RASAL3: variants seen among roughly 807,000 people sequenced by gnomAD.
RASAL3 encodes the protein RAS protein activator like 3, also known as RAS protein activator like-3.
Under a neutral mutation model 105.5 loss-of-function variants are expected in RASAL3, and 74 were observed. That is an observed-to-expected ratio of 0.70 (90% CI 0.58 to 0.85). The LOEUF is 0.85. Ranked by LOEUF, RASAL3 falls within the 40% of genes least tolerant of loss-of-function variation. The pLI is 0.00. For synonymous variants in RASAL3, 579 were observed against 591.6 expected, an observed-to-expected ratio of 0.98 and a Z score of 0.31; for missense variants, 1,352 against 1,392.0, an observed-to-expected ratio of 0.97 and a Z score of 0.46.
chr19:15,454,175 TG>T lies in RASAL3; in HGVS notation c.2252del (p.Pro751HisfsTer92). 1 of 1,566,084 alleles carries T rather than the reference TG, an allele frequency of 6.4e-7. No homozygotes were observed. Among genetic ancestry groups the T allele is most frequent in the Non-Finnish European group, 8.7e-7 (1 of 1,155,090 alleles). On this transcript the variant is annotated frameshift_variant, in exon 14 of 18. Transcript: ENST00000343625. LOFTEE classifies it high-confidence loss of function. ...TGGAGTGGACCTGGGCCGGGGGCAG[TG>T]GGAGACGCATTGGCACTGACACAAG... Reference protein sequence around the residue: ...PVLVSVPMRLPLPPAQVHSSL... With the variant: ...PVLVSVPMRLXLPPAQVHSSL...
Position 15,464,523 on chromosome 19 carries a change from C to T in RASAL3, c.-38G>A. On this transcript the variant is annotated 5_prime_UTR_variant, in exon 1 of 18. Transcript: ENST00000343625. Reference sequence around the variant, plus strand: ...CCCTTACCTTGGTTTCCTGACCAGCCCCAGAATCAGCAGCCGTCTGCACCC... The same window carrying T: ...CCCTTACCTTGGTTTCCTGACCAGCTCCAGAATCAGCAGCCGTCTGCACCC... The T allele has an allele frequency of 2.8e-6, 2 of 716,238 alleles. No individual in the cohort carries two copies. The highest frequency in any genetic ancestry group is 3.7e-5 in the South Asian group (2 of 53,482). 44.4% of individuals were successfully genotyped at this position (716,238 alleles called of 1,614,324 possible). A position where few individuals can be genotyped will look rare whatever the true frequency, so the allele number is the denominator to read the frequency against.
chr19:15,461,416 G>A lies in RASAL3; in HGVS notation c.465+55C>T, dbSNP rs962606335. ...TCCCTCCAGCCCCTGCCTCTGTTCT[G>A]CCCTCCTCCTTTTTCTTTCTTCCCT... On this transcript the variant is annotated intron_variant, in intron 3 of 17. Transcript: ENST00000343625. 4.6e-6 allele frequency: 7 copies of A among 1,530,348 alleles called. No individual in the cohort carries two copies. In the Admixed American group the frequency reaches 1.4e-4, roughly 31 times the overall value. 94.8% of individuals were successfully genotyped at this position (1,530,348 alleles called of 1,614,324 possible).
At position 15,458,682 on chromosome 19, in the gene RASAL3, G is replaced by A. The variant is rs779030757; in HGVS notation, c.663-27C>T. ...TGGGAAGGGGGTGGGTGAGCACACC[G>A]TCATTCCTGCCTCTTCCCCATCCCC... On this transcript the variant is annotated intron_variant, in intron 6 of 17. Coordinates refer to ENST00000343625, the MANE Select transcript of RASAL3 (RefSeq NM_022904.3). 10 of 1,605,362 alleles carry A rather than the reference G, an allele frequency of 6.2e-6. No homozygotes were observed. In the African/African-American group the frequency reaches 6.7e-5, roughly 11 times the overall value.
At position 15,454,783 on chromosome 19, in the gene RASAL3, C is replaced by T. The variant is rs375317705; in HGVS notation, c.1832G>A (p.Arg611Gln). Residue 611 changes from arginine to glutamine, a missense_variant, in exon 12 of 18, where the codon CGG becomes CAG. Coordinates refer to ENST00000343625, the MANE Select transcript of RASAL3 (RefSeq NM_022904.3). ...PRLVCASLFLRLLCPAILAPS... is the reference protein window; with the variant it reads ...PRLVCASLFLQLLCPAILAPS... ...TGCCAGGATGGCAGGGCACAGGAGCCGCAGGAAGAGGGAGGCGCACACCAG... is the reference window on the plus strand; with the variant it reads ...TGCCAGGATGGCAGGGCACAGGAGCTGCAGGAAGAGGGAGGCGCACACCAG... The T allele has an allele frequency of 2.2e-4, 360 of 1,601,684 alleles. 2 individuals are homozygous for T. The highest frequency in any genetic ancestry group is 1.6e-3 in the South Asian group (142 of 89,218).
Position 15,456,908 on chromosome 19 carries a change from A to G in RASAL3, c.1432-262T>C. ...CAGGCCCCTGTCGCAGCTGAAGCTT[A>G]GGCTCCGCTCTTCAAGGTGTCCCGC... On this transcript the variant is annotated intron_variant, in intron 9 of 17. Coordinates refer to ENST00000343625, the MANE Select transcript of RASAL3 (RefSeq NM_022904.3). This position sits in a 1 kb window ranked among gnomAD's most constrained non-coding sequence, Gnocchi z 4.4. 1.8e-6 allele frequency: 1 copy of G among 551,384 alleles called. No homozygotes were observed. Among genetic ancestry groups the G allele is most frequent in the Non-Finnish European group, 3.2e-6 (1 of 308,298 alleles). 34.2% of individuals were successfully genotyped at this position (551,384 alleles called of 1,614,324 possible).
chr19:15,451,989 C>G (rs750099890), intron 17 of RASAL3, 51 bp from the exon 18 acceptor site: 11 of 1,613,796 alleles, frequency 6.8e-6, no homozygotes, highest in Non-Finnish European at 9.3e-6. Flanking sequence ...GGCTGCACCG[C>G]AACCCTTGCT....
rs1970595091 is a variant in RASAL3, at chr19:15,464,067, G to A, written c.292C>T (p.Pro98Ser). ...ALWGRHKNPP[P>S]EPDPEPEQEA... is the part of the protein sequence containing the mutation. ...TGCTCCGGCTCCGGGTCTGGCTCCG[G>A]CGGTGGGTTCTTATGCCTCCCCCAG... is the stretch of plus-strand genomic sequence containing the variant. Residue 98 changes from proline (P) to serine (S), a missense_variant, in exon 2 of 18, where the codon CCG becomes TCG. Physicochemically the swap from Pro to Ser is moderately conservative, Grantham distance 74. Around this residue, in one of 3 missense-constraint regions of RASAL3, gnomAD observed 344 missense variants for 339.6 expected, o/e 1.01. Transcript: ENST00000343625. 6 of 1,587,712 alleles carry A rather than the reference G, an allele frequency of 3.8e-6. No individual in the cohort carries two copies. Among genetic ancestry groups the A allele is most frequent in the Non-Finnish European group, 5.2e-6 (6 of 1,163,856 alleles).
At chr19:15,455,977 A>C in intron 11 of RASAL3, 127 bp downstream of exon 11, 4 of 1,095,912 alleles carry the variant, frequency 3.6e-6, no homozygotes, top group Non-Finnish European at 3.9e-6. Context: ...TAGTATAAGC[A>C]TGGTCCCAAT....
At position 15,457,993 on chromosome 19, in the gene RASAL3, C is replaced by T; in HGVS notation, c.889-159G>A. ...AAGTGGAGCCACGGGAGTCCGGAGG[C>T]GGTTACGCGGAAGTCTTCTAGCTTT... On this transcript the variant is annotated intron_variant, in intron 8 of 17. Coordinates refer to ENST00000343625, the MANE Select transcript of RASAL3 (RefSeq NM_022904.3). This position sits in a 1 kb window ranked among gnomAD's most constrained non-coding sequence, Gnocchi z 8.6. The T allele has an allele frequency of 4.8e-6, 4 of 832,754 alleles. No individual in the cohort carries two copies. Among genetic ancestry groups the T allele is most frequent in the Non-Finnish European group, 5.5e-6 (3 of 543,732 alleles). 51.6% of individuals were successfully genotyped at this position (832,754 alleles called of 1,614,324 possible). A position where few individuals can be genotyped will look rare whatever the true frequency, so the allele number is the denominator to read the frequency against.
intron 2 of RASAL3, among the ~76,000 whole-genome samples, chr19:15,463,150 A>G (rs1970564609): frequency 6.7e-6 from 1 of 149,994 alleles, no homozygotes; most frequent in South Asian, 2.1e-4. Context: ...CAGTAGTGCA[A>G]TCTCAGCTCA....
In RASAL3 at chr19:15,457,361, C is replaced by A. The variant is rs1215712131; in HGVS notation, c.1362G>T (p.Leu454=). ...CCAGCTCCTCCTTGGCCTGCGCAGG[C>A]AGCGCGGGCTCCAGGGCCCCGCAGA... The part of the protein sequence containing the change: ...ARLCGALEPA[L]PAQAKEELAA... The change falls in exon 9 of 18, where the codon CTG becomes CTT. Residue 454 remains leucine (L), a synonymous_variant. Coordinates refer to ENST00000343625, the MANE Select transcript of RASAL3 (RefSeq NM_022904.3). The surrounding 1 kb of genome is among the most constrained non-coding windows in gnomAD (Gnocchi z 8.6). The A allele has an allele frequency of 7.0e-7, 1 of 1,418,848 alleles. No individual in the cohort carries two copies. The highest frequency in any genetic ancestry group is 9.1e-7 in the Non-Finnish European group (1 of 1,094,038). 87.9% of individuals were successfully genotyped at this position (1,418,848 alleles called of 1,614,324 possible). A position where few individuals can be genotyped will look rare whatever the true frequency, so the allele number is the denominator to read the frequency against.
At chr19:15,461,331 GAGGCAGGC>G (rs566684232) in intron 3 of RASAL3, 35 bp from the exon 4 acceptor site, 52 of 1,598,482 alleles carry the variant, frequency 3.3e-5, no homozygotes, top group South Asian at 3.2e-4. Context: ...TCAGAGAGGG[GAGGCAGGC>G]AGGCAGGCAG....
In RASAL3 at chr19:15,457,747, C is replaced by T. The variant is rs907894884; in HGVS notation, c.976G>A (p.Val326Met). ...LPRAAAGAPG[V>M]RAELWLDGAL... is the part of the protein sequence containing the mutation. ...CCATCCAGCCACAGCTCGGCGCGCA[C>T]GCCGGGTGCCCCCGCCGCTGCTCGG... is the stretch of plus-strand genomic sequence containing the variant. Residue 326 changes from valine to methionine, a missense_variant, in exon 9 of 18, where the codon GTG becomes ATG. By Grantham distance (21) the Val-to-Met change is conservative (BLOSUM62 1). Coordinates refer to ENST00000343625, the MANE Select transcript of RASAL3 (RefSeq NM_022904.3). This position sits in a 1 kb window ranked among gnomAD's most constrained non-coding sequence, Gnocchi z 8.6. 4 of 1,543,236 alleles carry T rather than the reference C, an allele frequency of 2.6e-6. No individual in the cohort carries two copies. The highest frequency in any genetic ancestry group is 3.5e-6 in the Non-Finnish European group (4 of 1,144,554).
chr19:15,463,612 A>G (rs1047933674), intron 2 of RASAL3, among the ~76,000 whole-genome samples: 9 of 152,178 alleles, frequency 5.9e-5, no homozygotes, highest in African/African-American at 2.2e-4. Context: ...CATTATTCTC[A>G]CTGAACTGAT....
chr19:15,459,845 G>A (rs1161357193), intron 6 of RASAL3, among the ~76,000 whole-genome samples: 1 of 152,144 alleles, frequency 6.6e-6, no homozygotes. Flanking sequence ...TGTTTTAGTT[G>A]CTTCTTTCGG....
At chr19:15,462,633 C>T (rs570730689) in intron 2 of RASAL3, among the ~76,000 whole-genome samples, 7 of 152,044 alleles carry the variant, frequency 4.6e-5, no homozygotes, top group Non-Finnish European at 8.8e-5. Flanking sequence ...TGATAACTCC[C>T]GCTTATTAAC....
rs1330082502 is a variant in RASAL3, at chr19:15,456,025, A to T, written c.1721+79T>A. ...TTTAACTGAGTGTCTCCTGTATTTT[A>T]TCTGGCCACCCTAAACTGGAGGTCG... is the stretch of plus-strand genomic sequence containing the variant. On this transcript the variant is annotated intron_variant, in intron 11 of 17. Coordinates refer to ENST00000343625, the MANE Select transcript of RASAL3 (RefSeq NM_022904.3). The surrounding 1 kb of genome is among the most constrained non-coding windows in gnomAD (Gnocchi z 4.4). 2 of 1,500,250 alleles carry T rather than the reference A, an allele frequency of 1.3e-6. No individual in the cohort carries two copies. Among genetic ancestry groups the T allele is most frequent in the South Asian group, 1.2e-5 (1 of 81,882 alleles). The allele number at this position is 1,500,250 out of a possible 1,614,324, so 92.9% of individuals were successfully genotyped here. A position where few individuals can be genotyped will look rare whatever the true frequency, so the allele number is the denominator to read the frequency against.
chr19:15,461,147 T>TG (rs776057302), intron 4 of RASAL3, 26 bp from the exon 5 acceptor site: 1 of 1,613,632 alleles, frequency 6.2e-7, no homozygotes, highest in African/African-American at 1.3e-5. Flanking sequence ...GGTGGCAGGT[T>TG]GGGGGGTTGG....
In RASAL3 at chr19:15,457,767, G is replaced by T; in HGVS notation, c.956C>A (p.Ala319Glu). 1 of 1,546,770 alleles carries T rather than the reference G, an allele frequency of 6.5e-7. No individual in the cohort carries two copies. Among genetic ancestry groups the T allele is most frequent in the Non-Finnish European group, 8.7e-7 (1 of 1,146,098 alleles). The change falls in exon 9 of 18, where the codon GCA (alanine) becomes GAA (glutamate). Residue 319 changes from alanine (A) to glutamate (E), a missense_variant. Around this residue, in one of 3 missense-constraint regions of RASAL3, gnomAD observed 88 missense variants for 132.7 expected, o/e 0.66. Coordinates refer to ENST00000343625, the MANE Select transcript of RASAL3 (RefSeq NM_022904.3). This position sits in a 1 kb window ranked among gnomAD's most constrained non-coding sequence, Gnocchi z 8.6. ...WVHEAKGLPR[A>E]AAGAPGVRAE... is the part of the protein sequence containing the mutation. ...GCGCACGCCGGGTGCCCCCGCCGCT[G>T]CTCGGGGAAGCCCCTTCGCTTCGTG... is the stretch of plus-strand genomic sequence containing the variant.
Sources: gnomAD v4.1 joint callset for allele counts (sites outside exome capture counted in the v4.1 genomes callset) on GRCh38, gnomAD v4.1.1 for gene constraint, gnomAD v4.1.1 regional missense constraint, Gnocchi (gnomAD v3.1) non-coding constraint, MANE v1.5 for transcripts, NCBI Gene and HGNC (gene_info 2026-07-23, HGNC 2026-07-21) for gene names.